Variants in ARMH1 observed in about 807,000 individuals in gnomAD.
ARMH1 encodes armadillo like helical domain containing 1.
Under a neutral mutation model 50.2 loss-of-function variants are expected in ARMH1, and 34 were observed. The observed-to-expected ratio is 0.68, with a 90% confidence interval of 0.51 to 0.90. The LOEUF is 0.90. Ranked by LOEUF, ARMH1 falls within the 40% of genes least tolerant of loss-of-function variation. ARMH1 has a pLI of 0.00. For missense variants in ARMH1, 538 were observed against 553.9 expected (o/e 0.97, Z 0.29); for synonymous variants, 221 against 224.2 (o/e 0.99, Z 0.13).
chr1:44,701,273 G>T (rs1256960198), intron 5 of ARMH1, among the ~76,000 whole-genome samples, 154 bp downstream of exon 5: 1 of 152,214 alleles, frequency 6.6e-6, no homozygotes, highest in Non-Finnish European at 1.5e-5. Context: ...AGAAGGCCAA[G>T]GTAGGGCAGA....
chr1:44,685,024 TA>T (rs921112165), intron 1 of ARMH1, among the ~76,000 whole-genome samples: 3 of 150,738 alleles, frequency 2.0e-5, no homozygotes, highest in Admixed American at 6.6e-5. Flanking sequence ...ATGAGGGTGT[TA>T]AAAAAAAACA....
chr1:44,694,138 G>A (rs997651428), intron 2 of ARMH1, among the ~76,000 whole-genome samples: 4 of 152,196 alleles, frequency 2.6e-5, no homozygotes, highest in Non-Finnish European at 5.9e-5. Flanking sequence ...CTTACTAAAT[G>A]AATGAACCAT....
At chr1:44,722,055 A>G (rs1232252777) in intron 6 of ARMH1, among the ~76,000 whole-genome samples, 2 of 152,134 alleles carry the variant, frequency 1.3e-5, no homozygotes, top group African/African-American at 4.8e-5. Context: ...AAAGAAAAAA[A>G]GTTTAAATAT....
Position 44,724,513 on chromosome 1 carries a change from C to T in ARMH1, c.921-26C>T. On this transcript the variant is annotated intron_variant, in intron 8 of 11. Coordinates refer to ENST00000535358, the MANE Select transcript of ARMH1 (RefSeq NM_001145636.2). The surrounding 1 kb of genome is among the most constrained non-coding windows in gnomAD (Gnocchi z 6.4). ...GTGCGCCGGGTGAGCCCCAGGGCGT[C>T]GCCCCAGCCCGAACCCCCGGCCCAG... 2.0e-6 allele frequency: 3 copies of T among 1,503,518 alleles called. No homozygotes were observed. The highest frequency in any genetic ancestry group is 1.8e-6 in the Non-Finnish European group (2 of 1,130,202). 93.1% of individuals were successfully genotyped at this position (1,503,518 alleles called of 1,614,324 possible).
intron 5 of ARMH1, among the ~76,000 whole-genome samples, chr1:44,703,076 G>C (rs1001977045): frequency 3.9e-5 from 6 of 152,182 alleles, no homozygotes; most frequent in African/African-American, 1.4e-4. Flanking sequence ...ATGAGCTTGA[G>C]GATGTTTAAT....
Position 44,720,197 on chromosome 1 carries a change from C to CAAAAA in ARMH1, c.725-3906_725-3902dup, listed in dbSNP as rs35873369. ...GGGCAACAAGAGCAAAACTCTGTCT[C>CAAAAA]AAAAAAAAAAAAAAAAAAAAAAAGT... On this transcript the variant is annotated intron_variant, in intron 6 of 11. Coordinates refer to ENST00000535358, the MANE Select transcript of ARMH1 (RefSeq NM_001145636.2). 1.8e-3 allele frequency among the ~76,000 whole-genome samples: 124 copies of CAAAAA among 69,184 alleles called. 3 individuals are homozygous for CAAAAA. Among genetic ancestry groups the CAAAAA allele is most frequent in the African/African-American group, 5.7e-3 (113 of 19,904 alleles). The allele number at this position is 69,184 out of a possible 152,430, so 45.4% of individuals were successfully genotyped here. A position where few individuals can be genotyped will look rare whatever the true frequency, so the allele number is the denominator to read the frequency against.
chr1:44,704,247 C>T, intron 6 of ARMH1, 74 bp downstream of exon 6: 5 of 1,110,794 alleles, frequency 4.5e-6, no homozygotes, highest in Non-Finnish European at 6.7e-6. Context: ...TTCTCTTAGT[C>T]ACAAAGAGCC....
chr1:44,701,191 C>T, intron 5 of ARMH1, 72 bp downstream of exon 5: 1 of 1,392,736 alleles, frequency 7.2e-7, no homozygotes, highest in Non-Finnish European at 9.6e-7. Context: ...TCCGCAGTTG[C>T]TCTCCACACA....
chr1:44,690,860 G>T (rs980545993), intron 2 of ARMH1, among the ~76,000 whole-genome samples: 3 of 152,024 alleles, frequency 2.0e-5, no homozygotes, highest in African/African-American at 7.2e-5. Context: ...TGTATTTTTA[G>T]TAGAGACAGG....
At chr1:44,721,389 T>G (rs141197884) in intron 6 of ARMH1, among the ~76,000 whole-genome samples, 104 of 152,006 alleles carry the variant, frequency 6.8e-4, no homozygotes, top group Middle Eastern at 3.4e-3. Flanking sequence ...ATGAGACCAG[T>G]CCAAAGTATA....
intron 6 of ARMH1, among the ~76,000 whole-genome samples, chr1:44,705,922 A>G (rs1342876609): frequency 6.6e-6 from 1 of 152,136 alleles, no homozygotes; most frequent in Non-Finnish European, 1.5e-5. Context: ...GGAAAGGGGA[A>G]TGGTAGAAAG....
At chr1:44,709,674 A>G (rs77293109) in intron 6 of ARMH1, among the ~76,000 whole-genome samples, 1 of 99,676 alleles carries the variant, frequency 1.0e-5, no homozygotes, top group Non-Finnish European at 2.4e-5. Context: ...CCATCTCAGA[A>G]AAAAAAAAAA....
chr1:44,722,792 G>T (rs1177146318), intron 6 of ARMH1, among the ~76,000 whole-genome samples: 1 of 151,002 alleles, frequency 6.6e-6, no homozygotes, highest in African/African-American at 2.4e-5. Context: ...GGGCCCAGTG[G>T]CTCATGCCTG....
chr1:44,721,889 A>C (rs549686706), intron 6 of ARMH1: 7 of 152,210 alleles, frequency 4.6e-5, no homozygotes, highest in African/African-American at 1.4e-4. Flanking sequence ...CGTTATGAAG[A>C]GAAACCAGAG....
In ARMH1 at chr1:44,721,554, T is replaced by C. The variant is rs74226372; in HGVS notation, c.725-2568T>C. ...ATAAACATTTAGCTTCCTAAATGTT[T>C]ACAAGAAGCTAAAAAAACATGACAG... On this transcript the variant is annotated intron_variant, in intron 6 of 11. Coordinates refer to ENST00000535358, the MANE Select transcript of ARMH1 (RefSeq NM_001145636.2). Among the ~76,000 whole-genome samples the C allele has an allele frequency of 5.2e-4, 79 of 152,202 alleles. No homozygotes were observed. In the East Asian group the frequency reaches 0.012, roughly 23 times the overall value.
intron 4 of ARMH1, among the ~76,000 whole-genome samples, chr1:44,698,992 C>A (rs1180250715): frequency 6.7e-6 from 1 of 149,694 alleles, no homozygotes; most frequent in Non-Finnish European, 1.5e-5. Flanking sequence ...ACTAAAAATA[C>A]AAAAATTAGG....
intron 4 of ARMH1, among the ~76,000 whole-genome samples, chr1:44,700,256 G>A (rs530288355): frequency 6.6e-6 from 1 of 152,304 alleles, no homozygotes; most frequent in South Asian, 2.1e-4. Flanking sequence ...CCTTCCTCTT[G>A]GTATGGTTTC....
chr1:44,688,021 C>G (rs2148599722), intron 1 of ARMH1, among the ~76,000 whole-genome samples: 2 of 152,316 alleles, frequency 1.3e-5, no homozygotes, highest in South Asian at 4.1e-4. Flanking sequence ...GGTGGTGTCT[C>G]AACCCCACCT....
chr1:44,692,696 T>A (rs557213429), intron 2 of ARMH1, among the ~76,000 whole-genome samples: 4 of 152,272 alleles, frequency 2.6e-5, no homozygotes, highest in Non-Finnish European at 5.9e-5. Context: ...GGAATAACCA[T>A]GGAATACATC....
Sources: allele counts gnomAD v4.1 joint callset (sites outside exome capture counted in the v4.1 genomes callset), GRCh38; gene constraint gnomAD v4.1.1; non-coding constraint Gnocchi (gnomAD v3.1); transcripts MANE v1.5; gene names NCBI Gene and HGNC (gene_info 2026-07-23, HGNC 2026-07-21).